Variants in ZNF862 observed in about 807,000 individuals in gnomAD.
The protein encoded by ZNF862 is zinc finger protein 862.
Under a neutral mutation model 91.1 loss-of-function variants are expected in ZNF862, and 64 were observed. That is an observed-to-expected ratio of 0.70 (90% CI 0.57 to 0.87). The LOEUF (loss-of-function observed/expected upper bound fraction) is 0.87, where lower values mean the gene tolerates loss of function less well. ZNF862 is among the 40% of genes least tolerant of loss of function. The probability of loss-of-function intolerance (pLI) is 0.00; values close to 1 mark genes in which losing one functional copy is unlikely to be tolerated. For synonymous variants in ZNF862, 631 were observed against 618.1 expected, an observed-to-expected ratio of 1.02 and a Z score of -0.31; for missense variants, 1,459 against 1,528.0, an observed-to-expected ratio of 0.95 and a Z score of 0.75.
chr7:149,848,541 C>T lies in ZNF862; in HGVS notation c.939+109C>T, dbSNP rs1186739588. Reference sequence around the variant, plus strand: ...AAAGAATACTAGTGATAACCCACTGCTAACATCATAATGTTGGCATATACC... The same window carrying T: ...AAAGAATACTAGTGATAACCCACTGTTAACATCATAATGTTGGCATATACC... On this transcript the variant is annotated intron_variant, in intron 4 of 7. Transcript: ENST00000223210. 6 of 904,428 alleles carry T rather than the reference C, an allele frequency of 6.6e-6. No homozygotes were observed. In the Admixed American group the frequency reaches 1.6e-4, roughly 24 times the overall value. The allele number at this position is 904,428 out of a possible 1,614,324, so 56.0% of individuals were successfully genotyped here. A position where few individuals can be genotyped will look rare whatever the true frequency, so the allele number is the denominator to read the frequency against.
At position 149,861,704 on chromosome 7, in the gene ZNF862, G is replaced by A. The variant is rs757614214; in HGVS notation, c.2544G>A (p.Leu848=). 3 of 1,613,086 alleles carry A rather than the reference G, an allele frequency of 1.9e-6. No homozygotes were observed. Among genetic ancestry groups the A allele is most frequent in the Non-Finnish European group, 2.5e-6 (3 of 1,179,730 alleles). Residue 848 remains leucine (L), a synonymous_variant, in exon 7 of 8, where the codon CTG becomes CTA. Coordinates refer to ENST00000223210, the MANE Select transcript of ZNF862 (RefSeq NM_001099220.3). The surrounding 1 kb of genome is among the most constrained non-coding windows in gnomAD (Gnocchi z 6.7). ...TCTGCCACTTCCTGTTGGACTTCCTGAGCATCTACAGGCCTCTGTCCGAGG... is the reference window on the plus strand; with the variant it reads ...TCTGCCACTTCCTGTTGGACTTCCTAAGCATCTACAGGCCTCTGTCCGAGG... ...VKFCHFLLDF[L]SIYRPLSEVC...
chr7:149,847,779 CCCACCAGGGA>C lies in ZNF862; in HGVS notation c.287_296del (p.Pro96ArgfsTer36). The C allele has an allele frequency of 6.2e-7, 1 of 1,613,834 alleles. No homozygotes were observed. Among genetic ancestry groups the C allele is most frequent in the Non-Finnish European group, 8.5e-7 (1 of 1,179,826 alleles). On this transcript the variant is annotated frameshift_variant, in exon 4 of 8. Transcript: ENST00000223210. LOFTEE classifies it high-confidence loss of function. ...CATGGGAGAAATGGAGGTGCAAGGT[CCCACCAGGGA>C]GAGTGGACAGTCCCTCCCGCCTCAG...
chr7:149,844,836 G>C lies in ZNF862; in HGVS notation c.136+100G>C, dbSNP rs146816442. On this transcript the variant is annotated intron_variant, in intron 2 of 7. Coordinates refer to ENST00000223210, the MANE Select transcript of ZNF862 (RefSeq NM_001099220.3). ...CTGGAGAGAGTTTTCTGGAATCCAA[G>C]CATTTGTCTAGGCATCTTTACTCCA... 2.2e-4 allele frequency: 180 copies of C among 803,276 alleles called. 2 individuals carry two copies. The East Asian group carries it at 4.8e-3, about 21-fold the overall frequency. 49.8% of individuals were successfully genotyped at this position (803,276 alleles called of 1,614,324 possible). A position where few individuals can be genotyped will look rare whatever the true frequency, so the allele number is the denominator to read the frequency against.
At position 149,847,630 on chromosome 7, in the gene ZNF862, TGTGC is replaced by T. The variant is rs1347079376; in HGVS notation, c.242-104_242-101del. The T allele has an allele frequency of 6.1e-5, 35 of 577,008 alleles. No individual in the cohort carries two copies. In the East Asian group the frequency reaches 9.8e-4, roughly 16 times the overall value. The allele number at this position is 577,008 out of a possible 1,614,324, so 35.7% of individuals were successfully genotyped here. Reference sequence around the variant, plus strand: ...GTGTGTGTGTGTGTGTGTGTGTGTGTGTGCTTTCCGTCTTTCATATTTGGTGTAC... The same window carrying T: ...GTGTGTGTGTGTGTGTGTGTGTGTGTTTTCCGTCTTTCATATTTGGTGTAC... On this transcript the variant is annotated intron_variant, in intron 3 of 7. Coordinates refer to ENST00000223210, the MANE Select transcript of ZNF862 (RefSeq NM_001099220.3).
chr7:149,864,560 A>C lies in ZNF862; in HGVS notation c.*276A>C. ...TTAAGGTGCTGCAGAAAATAACCCC[A>C]TCATGAAAGGTTTCAGCCCCTGAGT... On this transcript the variant is annotated 3_prime_UTR_variant, in exon 8 of 8. Coordinates refer to ENST00000223210, the MANE Select transcript of ZNF862 (RefSeq NM_001099220.3). 1 of 387,062 alleles carries C rather than the reference A, an allele frequency of 2.6e-6. No individual in the cohort carries two copies. Among genetic ancestry groups the C allele is most frequent in the Non-Finnish European group, 4.7e-6 (1 of 213,208 alleles). The allele number at this position is 387,062 out of a possible 1,614,324, so 24.0% of individuals were successfully genotyped here. A position where few individuals can be genotyped will look rare whatever the true frequency, so the allele number is the denominator to read the frequency against.
intron 5 of ZNF862, among the ~76,000 whole-genome samples, chr7:149,854,793 G>C (rs1802200257): frequency 6.6e-6 from 1 of 152,236 alleles, no homozygotes; most frequent in African/African-American, 2.4e-5. Flanking sequence ...CCGTGCTCAG[G>C]CCGGCAGCAG....
At chr7:149,857,265 G>A (rs1280302306) in intron 5 of ZNF862, among the ~76,000 whole-genome samples, 1 of 151,648 alleles carries the variant, frequency 6.6e-6, no homozygotes, top group African/African-American at 2.4e-5. Context: ...GTTTGATATT[G>A]GACTTCCTGG....
chr7:149,842,049 C>G (rs6974897), intron 1 of ZNF862, among the ~76,000 whole-genome samples: 2 of 151,908 alleles, frequency 1.3e-5, no homozygotes, highest in African/African-American at 4.8e-5. Flanking sequence ...CACTGGACTC[C>G]AGGGGGGATA....
At chr7:149,844,188 A>T (rs1421215901) in intron 1 of ZNF862, among the ~76,000 whole-genome samples, 1 of 152,198 alleles carries the variant, frequency 6.6e-6, no homozygotes, top group African/African-American at 2.4e-5. Flanking sequence ...GCCTGTTTTC[A>T]TCATCGACTT....
intron 1 of ZNF862, among the ~76,000 whole-genome samples, chr7:149,840,187 T>TAAAAAAAAAAA (rs60721842): frequency 1.7e-3 from 69 of 41,254 alleles, no homozygotes; most frequent in East Asian, 0.012. Context: ...GCTTAAAAAG[T>TAAAAAAAAAAA]AAAAAAAAAA....
In ZNF862 at chr7:149,862,504, C is replaced by T. The variant is rs768559982; in HGVS notation, c.3334+10C>T. On this transcript the variant is annotated intron_variant, in intron 7 of 7. Coordinates refer to ENST00000223210, the MANE Select transcript of ZNF862 (RefSeq NM_001099220.3). The stretch of plus-strand genomic sequence containing the variant: ...GCCCGCTCCCCTGCAAGTAAGTACA[C>T]GTGGCAGAGCTCCCCCAAGGCAGCC... The T allele has an allele frequency of 6.7e-5, 105 of 1,567,146 alleles. No individual in the cohort carries two copies. Among genetic ancestry groups the T allele is most frequent in the Middle Eastern group, 1.7e-4 (1 of 5,882 alleles).
chr7:149,863,852 A>G (rs980257457), intron 7 of ZNF862, among the ~76,000 whole-genome samples: 9 of 152,290 alleles, frequency 5.9e-5, no homozygotes, highest in African/African-American at 2.2e-4. Flanking sequence ...CACACACCCC[A>G]TTTGTGACCA....
chr7:149,864,524 C>T lies in ZNF862; in HGVS notation c.*240C>T. Reference sequence around the variant, plus strand: ...AAATGTGCCAGAAGGTTCTATATCTCAAGTTCATTTTTAAGGTGCTGCAGA... The same window carrying T: ...AAATGTGCCAGAAGGTTCTATATCTTAAGTTCATTTTTAAGGTGCTGCAGA... On this transcript the variant is annotated 3_prime_UTR_variant, in exon 8 of 8. Coordinates refer to ENST00000223210, the MANE Select transcript of ZNF862 (RefSeq NM_001099220.3). The T allele has an allele frequency of 2.0e-6, 1 of 492,820 alleles. No homozygotes were observed. The highest frequency in any genetic ancestry group is 3.6e-6 in the Non-Finnish European group (1 of 277,676). 30.5% of individuals were successfully genotyped at this position (492,820 alleles called of 1,614,324 possible). A position where few individuals can be genotyped will look rare whatever the true frequency, so the allele number is the denominator to read the frequency against.
intron 5 of ZNF862, 21 bp from the exon 6 acceptor site, chr7:149,859,401 G>A (rs1563124003): frequency 6.4e-7 from 1 of 1,555,008 alleles, no homozygotes; most frequent in Non-Finnish European, 8.7e-7. Flanking sequence ...ACATCAGCAT[G>A]ATTCTTCATC....
At chr7:149,856,649 C>G (rs1356073916) in intron 5 of ZNF862, among the ~76,000 whole-genome samples, 1 of 152,168 alleles carries the variant, frequency 6.6e-6, no homozygotes, top group African/African-American at 2.4e-5. Context: ...CTGGAGACTT[C>G]GCTCCGGGGC....
chr7:149,841,322 G>A, intron 1 of ZNF862: 1 of 985,380 alleles, frequency 1.0e-6, no homozygotes, highest in Non-Finnish European at 1.2e-6. Context: ...TTGGGCCATT[G>A]GATTGATATC....
At chr7:149,864,043 C>T (rs182158919) in intron 7 of ZNF862, 66 bp from the exon 8 acceptor site, 123 of 1,497,934 alleles carry the variant, frequency 8.2e-5, no homozygotes, top group Non-Finnish European at 1.0e-4. Flanking sequence ...AGCCCCTGGG[C>T]GAAGCTGGAT....
In ZNF862 at chr7:149,850,203, T is replaced by G. The variant is rs752657586; in HGVS notation, c.982T>G (p.Phe328Val). ...EGLSEEVPVV[F>V]EELPVVFEDV... ...GCTGTCGGAGGAGGTTCCTGTGGTG[T>G]TTGAGGAGCTGCCGGTGGTGTTCGA... is the stretch of plus-strand genomic sequence containing the variant. Residue 328 changes from phenylalanine (F) to valine (V), a missense_variant, in exon 5 of 8, where the codon TTT becomes GTT. By Grantham distance (50) the Phe-to-Val change is conservative. Coordinates refer to ENST00000223210, the MANE Select transcript of ZNF862 (RefSeq NM_001099220.3). The surrounding 1 kb of genome is among the most constrained non-coding windows in gnomAD (Gnocchi z 4.2). The G allele has an allele frequency of 4.4e-6, 7 of 1,597,262 alleles. No homozygotes were observed. The highest frequency in any genetic ancestry group is 5.1e-6 in the Non-Finnish European group (6 of 1,171,890).
intron 6 of ZNF862, 149 bp downstream of exon 6, chr7:149,859,675 T>A: frequency 1.6e-6 from 1 of 632,924 alleles, no homozygotes; most frequent in Non-Finnish European, 2.8e-6. Flanking sequence ...ACAAGATGAA[T>A]AAGCAACTAA....
Sources: gnomAD v4.1 joint callset for allele counts (sites outside exome capture counted in the v4.1 genomes callset) on GRCh38, gnomAD v4.1.1 for gene constraint, Gnocchi (gnomAD v3.1) non-coding constraint, MANE v1.5 for transcripts, NCBI Gene and HGNC (gene_info 2026-07-23, HGNC 2026-07-21) for gene names.